Variants in ANKRD33B observed in about 807,000 individuals in gnomAD.
The protein encoded by ANKRD33B is ankyrin repeat domain 33B, also known as ankyrin repeat domain-containing protein 33B.
In ANKRD33B, 6 loss-of-function variants were observed where a neutral mutation model predicts 21.5. The observed-to-expected ratio is 0.28, with a 90% CI of 0.15 to 0.55. The LOEUF (loss-of-function observed/expected upper bound fraction) is 0.55, where lower values mean the gene tolerates loss of function less well. ANKRD33B is among the 20% of genes least tolerant of loss of function. The pLI, the probability that ANKRD33B is intolerant of heterozygous loss-of-function variation, is 0.94. For missense variants in ANKRD33B, 698 were observed against 747.2 expected, an observed-to-expected ratio of 0.93 and a Z score of 0.77; for synonymous variants, 347 against 342.4, an observed-to-expected ratio of 1.01 and a Z score of -0.15.
intron 2 of ANKRD33B, among the ~76,000 whole-genome samples, chr5:10,626,907 C>T (rs916218046): frequency 6.6e-6 from 1 of 152,146 alleles, no homozygotes; most frequent in African/African-American, 2.4e-5. Context: ...CATTGTGAAG[C>T]GCAATCTTAA....
chr5:10,604,561 C>G (rs1560971001), intron 1 of ANKRD33B, among the ~76,000 whole-genome samples: 1 of 150,924 alleles, frequency 6.6e-6, no homozygotes, highest in Non-Finnish European at 1.5e-5. Context: ...CTCCTGGTGT[C>G]TTCTGGGAGT....
At chr5:10,602,510 A>G (rs573460072) in intron 1 of ANKRD33B, among the ~76,000 whole-genome samples, 1 of 152,344 alleles carries the variant, frequency 6.6e-6, no homozygotes, top group East Asian at 1.9e-4. Context: ...TTTGTGCATG[A>G]CAGGCCCAAT....
chr5:10,584,323 A>C (rs1735507096), intron 1 of ANKRD33B, among the ~76,000 whole-genome samples: 1 of 152,192 alleles, frequency 6.6e-6, no homozygotes, highest in Non-Finnish European at 1.5e-5. Context: ...AAGTGGGCTG[A>C]TCACTTGAGC....
At chr5:10,601,074 A>G (rs1725081000) in intron 1 of ANKRD33B, among the ~76,000 whole-genome samples, 1 of 152,208 alleles carries the variant, frequency 6.6e-6, no homozygotes, top group African/African-American at 2.4e-5. Context: ...GACAGATGTC[A>G]GTTTCAGTTA....
chr5:10,640,156 G>T (rs115054036), intron 3 of ANKRD33B, among the ~76,000 whole-genome samples: 1 of 149,820 alleles, frequency 6.7e-6, no homozygotes, highest in Non-Finnish European at 1.5e-5. Context: ...TGATGTTAGC[G>T]GGTGATGTGG....
In ANKRD33B at chr5:10,608,547, C is replaced by T. The variant is rs116908608; in HGVS notation, c.367-9786C>T. On this transcript the variant is annotated intron_variant, in intron 1 of 3. Transcript: ENST00000296657. ...GGGAGGTGGGATGAGCTTGAGCATGCTGTTACTACCAATGGGAAAAGAATG... is the reference window on the plus strand; with the variant it reads ...GGGAGGTGGGATGAGCTTGAGCATGTTGTTACTACCAATGGGAAAAGAATG... 2.6e-5 allele frequency among the ~76,000 whole-genome samples: 4 copies of T among 151,904 alleles called. No homozygotes were observed. In the East Asian group the frequency reaches 7.7e-4, roughly 29 times the overall value.
chr5:10,572,540 G>C (rs1579708924), intron 1 of ANKRD33B, among the ~76,000 whole-genome samples: 1 of 152,182 alleles, frequency 6.6e-6, no homozygotes, highest in South Asian at 2.1e-4. Context: ...GTGCTCCCGT[G>C]GTGGAGCCAG....
At chr5:10,577,382 A>G (rs1261875778) in intron 1 of ANKRD33B, among the ~76,000 whole-genome samples, 1 of 152,174 alleles carries the variant, frequency 6.6e-6, no homozygotes, top group Non-Finnish European at 1.5e-5. Flanking sequence ...CACCAGCCTC[A>G]GCCTCCCGTA....
At chr5:10,592,546 C>T (rs1176940898) in intron 1 of ANKRD33B, among the ~76,000 whole-genome samples, 21 of 149,752 alleles carry the variant, frequency 1.4e-4, no homozygotes, top group African/African-American at 3.9e-4. Context: ...CGCTTGAACC[C>T]GGGAGGTGGA....
chr5:10,644,518 A>G lies in ANKRD33B; in HGVS notation c.638-4748A>G, dbSNP rs147842849. On this transcript the variant is annotated intron_variant, in intron 3 of 3. Transcript: ENST00000296657. ...GCCGCAGCCTTCAGGAAGCAAAAAC[A>G]AGCAGCAATAACCTCAAATCTTCCT... is the stretch of plus-strand genomic sequence containing the variant. Among the ~76,000 whole-genome samples the G allele has an allele frequency of 4.2e-3, 646 of 152,318 alleles. 2 individuals carry two copies. Among genetic ancestry groups the G allele is most frequent in the Admixed American group, 6.5e-3 (99 of 15,304 alleles).
At chr5:10,611,880 C>T (rs369012657) in intron 1 of ANKRD33B, among the ~76,000 whole-genome samples, 14 of 152,258 alleles carry the variant, frequency 9.2e-5, no homozygotes, top group Admixed American at 6.5e-4. Context: ...TGTATGACAC[C>T]CAGTGCCTAG....
intron 1 of ANKRD33B, among the ~76,000 whole-genome samples, chr5:10,575,504 G>A (rs917489641): frequency 1.3e-5 from 2 of 152,046 alleles, no homozygotes; most frequent in Non-Finnish European, 2.9e-5. Context: ...CCTGGCAAAC[G>A]GAACCAGTTT....
chr5:10,618,841 T>A (rs2126582688), intron 2 of ANKRD33B, among the ~76,000 whole-genome samples: 1 of 152,236 alleles, frequency 6.6e-6, no homozygotes, highest in Middle Eastern at 3.4e-3. Context: ...TAGTTAATCA[T>A]GAAAGTAGAC....
chr5:10,648,708 G>GA (rs1392591731), intron 3 of ANKRD33B, among the ~76,000 whole-genome samples: 3 of 152,168 alleles, frequency 2.0e-5, no homozygotes, highest in Non-Finnish European at 2.9e-5. Flanking sequence ...GCGGTGAACG[G>GA]AGATTGTGCC....
chr5:10,640,282 A>G (rs999395987), intron 3 of ANKRD33B, among the ~76,000 whole-genome samples: 1 of 152,026 alleles, frequency 6.6e-6, no homozygotes, highest in Non-Finnish European at 1.5e-5. Context: ...ACCTGGATCA[A>G]CCCCTCTTTG....
chr5:10,590,675 A>T (rs1735665379), intron 1 of ANKRD33B, among the ~76,000 whole-genome samples: 1 of 151,988 alleles, frequency 6.6e-6, no homozygotes, highest in Non-Finnish European at 1.5e-5. Flanking sequence ...GCCCAAGACA[A>T]TTCTTCTTCC....
intron 1 of ANKRD33B, among the ~76,000 whole-genome samples, chr5:10,584,435 A>G (rs1372677385): frequency 6.6e-6 from 1 of 151,636 alleles, no homozygotes; most frequent in African/African-American, 2.4e-5. Flanking sequence ...AGTCCTAGCT[A>G]CTTTGGAGGC....
At position 10,651,303 on chromosome 5, in the gene ANKRD33B, C is replaced by G. The variant is rs1332515078; in HGVS notation, c.*1190C>G. On this transcript the variant is annotated 3_prime_UTR_variant, in exon 4 of 4. Transcript: ENST00000296657. ...TCCTTATGCCGACCTCTTAGAATTT[C>G]CAAGATGCAGGGCCTTGGGCAGGGC... 6.6e-6 allele frequency: 1 copy of G among 152,316 alleles called. No homozygotes were observed. The highest frequency in any genetic ancestry group is 2.4e-5 in the African/African-American group (1 of 41,424). 9.4% of individuals were successfully genotyped at this position (152,316 alleles called of 1,614,324 possible).
intron 2 of ANKRD33B, among the ~76,000 whole-genome samples, chr5:10,633,013 C>G (rs1560981907): frequency 6.7e-6 from 1 of 148,538 alleles, no homozygotes. Context: ...GTCTTGAACT[C>G]CTGACCTCAG....
Sources: gnomAD v4.1 joint callset for allele counts (sites outside exome capture counted in the v4.1 genomes callset) on GRCh38, gnomAD v4.1.1 for gene constraint, MANE v1.5 for transcripts, NCBI Gene and HGNC (gene_info 2026-07-23, HGNC 2026-07-21) for gene names.